The following HSPA4L variants were observed in gnomAD, a reference collection of about 807,000 sequenced individuals.
HSPA4L encodes the protein heat shock protein family A (Hsp70) member 4 like.
HSPA4L carries 48 observed loss-of-function variants against 100.3 expected under a neutral mutation model. That is an observed-to-expected ratio of 0.48 (90% CI 0.38 to 0.61). The LOEUF is 0.61. Ranked by LOEUF, HSPA4L falls within the 20% of genes least tolerant of loss-of-function variation. The pLI is 0.00. For missense variants in HSPA4L, 886 were observed against 988.6 expected (o/e 0.90, Z 1.39); for synonymous variants, 319 against 328.2 (o/e 0.97, Z 0.30).
chr4:127,812,913 A>G, intron 12 of HSPA4L: 1 of 847,502 alleles, frequency 1.2e-6, no homozygotes, highest in Non-Finnish European at 2.0e-6. Context: ...TAGAGTGCTT[A>G]ATGTGCTCAA....
chr4:127,797,055 A>G (rs995792634), intron 3 of HSPA4L, among the ~76,000 whole-genome samples: 1 of 152,164 alleles, frequency 6.6e-6, no homozygotes, highest in Non-Finnish European at 1.5e-5. Flanking sequence ...GGTTCTGACT[A>G]AAAGGTGGAT....
intron 12 of HSPA4L, among the ~76,000 whole-genome samples, chr4:127,811,975 C>G (rs1733543175): frequency 6.6e-6 from 1 of 151,976 alleles, no homozygotes; most frequent in Admixed American, 6.6e-5. Context: ...CAGATAAAAC[C>G]ACTTCAGAAT....
chr4:127,795,771 G>C lies in HSPA4L; in HGVS notation c.169G>C (p.Val57Leu). The change falls in exon 3 of 19, where the codon GTC (valine) becomes CTC (leucine). Residue 57 changes from valine to leucine, a missense_variant. Transcript: ENST00000296464. ...TACAAGTGTTTACTGCCAACAGATA[G>C]TCACGAACGTAAGAAATACAATTCA... ...AIGNAAKSQI[V>L]TNVRNTIHGF... 6.2e-7 allele frequency: 1 copy of C among 1,613,384 alleles called. No homozygotes were observed. Among genetic ancestry groups the C allele is most frequent in the Non-Finnish European group, 8.5e-7 (1 of 1,179,498 alleles).
At chr4:127,826,308 A>T (rs543810636) in intron 16 of HSPA4L, among the ~76,000 whole-genome samples, 39 of 152,260 alleles carry the variant, frequency 2.6e-4, no homozygotes, top group African/African-American at 9.4e-4. Flanking sequence ...AGGCTGAGGC[A>T]GAAGGATCAC....
At chr4:127,823,843 T>TG (rs528126895) in intron 16 of HSPA4L, among the ~76,000 whole-genome samples, 18 of 152,128 alleles carry the variant, frequency 1.2e-4, no homozygotes, top group Non-Finnish European at 2.1e-4. Flanking sequence ...TTTCTTTCTT[T>TG]GGGGGGGAGA....
chr4:127,818,045 T>C (rs943910613), intron 12 of HSPA4L, among the ~76,000 whole-genome samples: 2 of 151,994 alleles, frequency 1.3e-5, no homozygotes, highest in African/African-American at 4.8e-5. Context: ...TTTGTGAATC[T>C]TGATTTGTAA....
Position 127,834,894 on chromosome 4 carries a change from T to TAGTC in HSPA4L, c.*2023_*2026dup, listed in dbSNP as rs150283357. On this transcript the variant is annotated 3_prime_UTR_variant, in exon 19 of 19. Coordinates refer to ENST00000296464, the MANE Select transcript of HSPA4L (RefSeq NM_014278.4). ...TGAAGTCACTTTTAGTTTTGTGTTT[T>TAGTC]AGTCAGATAGTACCACTAATTTTTG... 3.1e-3 allele frequency: 474 copies of TAGTC among 152,340 alleles called. 4 individuals carry two copies. Among genetic ancestry groups the TAGTC allele is most frequent in the African/African-American group, 0.011 (458 of 41,590 alleles). 9.4% of individuals were successfully genotyped at this position (152,340 alleles called of 1,614,324 possible).
chr4:127,820,245 A>T (rs1265219672), intron 13 of HSPA4L, among the ~76,000 whole-genome samples, 183 bp from the exon 14 acceptor site: 1 of 152,128 alleles, frequency 6.6e-6, no homozygotes, highest in Non-Finnish European at 1.5e-5. Flanking sequence ...TTTCCAACCC[A>T]ATATTTTTAA....
At position 127,794,129 on chromosome 4, in the gene HSPA4L, A is replaced by G. The variant is rs548977961; in HGVS notation, c.160A>G (p.Ser54Gly). The G allele has an allele frequency of 3.1e-6, 5 of 1,610,236 alleles. No individual in the cohort carries two copies. Among genetic ancestry groups the G allele is most frequent in the Non-Finnish European group, 4.2e-6 (5 of 1,177,438 alleles). Residue 54 changes from serine to glycine, a missense_variant, in exon 2 of 19, where the codon AGC (serine) becomes GGC (glycine). Ser to Gly is a moderately conservative substitution (Grantham distance 56, BLOSUM62 0). Transcript: ENST00000296464. Reference sequence around the variant, plus strand: ...TCGAGCCATTGGAAATGCAGCAAAGAGCCAGGTAAATTGTTAATGTGGATG... The same window carrying G: ...TCGAGCCATTGGAAATGCAGCAAAGGGCCAGGTAAATTGTTAATGTGGATG... Reference protein sequence around the residue: ...RTRAIGNAAKSQIVTNVRNTI... With the variant: ...RTRAIGNAAKGQIVTNVRNTI...
At position 127,820,417 on chromosome 4, in the gene HSPA4L, C is replaced by T. The variant is rs772221304; in HGVS notation, c.1675-11C>T. The T allele has an allele frequency of 7.7e-6, 12 of 1,565,098 alleles. No individual in the cohort carries two copies. Among genetic ancestry groups the T allele is most frequent in the East Asian group, 2.3e-5 (1 of 43,810 alleles). ...ATTTTAGAAATTTATACTTCTCTTT[C>T]GGATTTGCAGTCAGCTGTCTCAGAC... On this transcript the variant is annotated splice_polypyrimidine_tract_variant and intron_variant, in intron 13 of 18. Transcript: ENST00000296464.
At chr4:127,820,936 T>G (rs981475005) in intron 14 of HSPA4L, among the ~76,000 whole-genome samples, 10 of 152,166 alleles carry the variant, frequency 6.6e-5, no homozygotes, top group African/African-American at 2.2e-4. Context: ...AAATGTTTTC[T>G]GACATCCATT....
At chr4:127,785,757 T>C (rs868364278) in intron 1 of HSPA4L, among the ~76,000 whole-genome samples, 1 of 152,200 alleles carries the variant, frequency 6.6e-6, no homozygotes, top group African/African-American at 2.4e-5. Flanking sequence ...AACCTTTTTC[T>C]ATGTAAAACA....
intron 3 of HSPA4L, among the ~76,000 whole-genome samples, chr4:127,798,095 T>C (rs904984278): frequency 1.3e-5 from 2 of 152,204 alleles, no homozygotes; most frequent in Non-Finnish European, 2.9e-5. Context: ...GTAAATCTTA[T>C]GTCATTAGAT....
intron 13 of HSPA4L, among the ~76,000 whole-genome samples, chr4:127,818,853 C>G (rs1733740707): frequency 6.6e-6 from 1 of 150,772 alleles, no homozygotes; most frequent in Non-Finnish European, 1.5e-5. Context: ...ACCTATATAA[C>G]CTGCACATGT....
At chr4:127,798,476 C>T (rs1733084260) in intron 3 of HSPA4L, 111 bp from the exon 4 acceptor site, 2 of 1,011,200 alleles carry the variant, frequency 2.0e-6, no homozygotes, top group Admixed American at 2.4e-5. Context: ...CTTCCTTGAG[C>T]AAGGGTGTCT....
rs1229998895 is a variant in HSPA4L, at chr4:127,836,328, C to CTG, written c.*3455_*3456dup. 1 of 155,878 alleles carries CTG rather than the reference C, an allele frequency of 6.4e-6. No homozygotes were observed. Among genetic ancestry groups the CTG allele is most frequent in the African/African-American group, 2.4e-5 (1 of 41,520 alleles). 9.7% of individuals were successfully genotyped at this position (155,878 alleles called of 1,614,324 possible). On this transcript the variant is annotated 3_prime_UTR_variant, in exon 19 of 19. Coordinates refer to ENST00000296464, the MANE Select transcript of HSPA4L (RefSeq NM_014278.4). ...GTTGCAGTGAGCCGAGATCGCGCCA[C>CTG]TGCACTCCAGCCTGGGCAACAGAGC...
In HSPA4L at chr4:127,837,689, G is replaced by T. The variant is rs978728544; in HGVS notation, c.*4815G>T. ...AGCATATAATTTCTTTTGATAAAAA[G>T]TAACAAAAATTTAATGCAGATCAAA... On this transcript the variant is annotated 3_prime_UTR_variant, in exon 19 of 19. Transcript: ENST00000296464. 6.6e-6 allele frequency: 1 copy of T among 152,096 alleles called. No homozygotes were observed. The highest frequency in any genetic ancestry group is 2.4e-5 in the African/African-American group (1 of 41,422). 9.4% of individuals were successfully genotyped at this position (152,096 alleles called of 1,614,324 possible).
At position 127,782,348 on chromosome 4, in the gene HSPA4L, C is replaced by G. The variant is rs547378772; in HGVS notation, c.-203C>G. On this transcript the variant is annotated 5_prime_UTR_variant, in exon 1 of 19. Transcript: ENST00000296464. ...GTAGGGAAAGACCCAGGCTGCGGGA[C>G]GCGGTGCAGGCTGCGGCGCTGACGG... The G allele has an allele frequency of 5.4e-6, 3 of 559,872 alleles. No homozygotes were observed. Among genetic ancestry groups the G allele is most frequent in the Non-Finnish European group, 9.6e-6 (3 of 313,688 alleles). The allele number at this position is 559,872 out of a possible 1,614,324, so 34.7% of individuals were successfully genotyped here. A position where few individuals can be genotyped will look rare whatever the true frequency, so the allele number is the denominator to read the frequency against.
intron 12 of HSPA4L, among the ~76,000 whole-genome samples, chr4:127,813,993 A>G (rs1203570907): frequency 1.3e-5 from 2 of 152,046 alleles, no homozygotes; most frequent in Admixed American, 1.3e-4. Flanking sequence ...TTTTCTTTAT[A>G]TAATATTAGT....
Sources: allele counts gnomAD v4.1 joint callset (sites outside exome capture counted in the v4.1 genomes callset), GRCh38; gene constraint gnomAD v4.1.1; transcripts MANE v1.5; gene names NCBI Gene and HGNC (gene_info 2026-07-23, HGNC 2026-07-21).